CDH22: variants seen among roughly 807,000 people sequenced by gnomAD.
The protein encoded by CDH22 is cadherin-22.
Under a neutral mutation model 58.4 loss-of-function variants are expected in CDH22, and 30 were observed. That is an observed-to-expected ratio of 0.51 (90% CI 0.38 to 0.70). The LOEUF is 0.70. Ranked by LOEUF, CDH22 falls within the 30% of genes least tolerant of loss-of-function variation. CDH22 has a pLI of 0.00. For missense variants in CDH22, 1,014 were observed against 1,233.9 expected (o/e 0.82, Z 2.67); for synonymous variants, 513 against 558.2 (o/e 0.92, Z 1.14).
chr20:46,174,260 C>T lies in CDH22; in HGVS notation c.*246G>A, dbSNP rs1600680657. The T allele has an allele frequency of 1.2e-5, 6 of 487,074 alleles. No individual in the cohort carries two copies. The East Asian group carries it at 2.2e-4, about 18-fold the overall frequency. 30.2% of individuals were successfully genotyped at this position (487,074 alleles called of 1,614,324 possible). On this transcript the variant is annotated 3_prime_UTR_variant, in exon 12 of 12. Coordinates refer to ENST00000537909, the MANE Select transcript of CDH22 (RefSeq NM_021248.3). The surrounding 1 kb of genome is among the most constrained non-coding windows in gnomAD (Gnocchi z 4.4). ...CTCCCATTCTAACCCCAGAGCCACA[C>T]CGTGCCCGGTCTCGCCTCAGTTTTA...
chr20:46,224,015 G>A (rs1221214562), intron 4 of CDH22, among the ~76,000 whole-genome samples: 7 of 151,954 alleles, frequency 4.6e-5, no homozygotes, highest in South Asian at 2.1e-4. Context: ...CACCACTCCC[G>A]GCTAATTTTT....
intron 1 of CDH22, among the ~76,000 whole-genome samples, chr20:46,282,378 G>A (rs2086554906): frequency 6.6e-6 from 1 of 152,114 alleles, no homozygotes; most frequent in African/African-American, 2.4e-5. Flanking sequence ...TGAGAGAGCA[G>A]GAAGGAGTCT....
chr20:46,183,703 G>C (rs2085804205), intron 10 of CDH22, among the ~76,000 whole-genome samples: 1 of 152,174 alleles, frequency 6.6e-6, no homozygotes, highest in South Asian at 2.1e-4. Context: ...TTATAAACAT[G>C]AGCCTTACAT....
At chr20:46,274,157 C>A (rs923852097) in intron 1 of CDH22, among the ~76,000 whole-genome samples, 1 of 152,136 alleles carries the variant, frequency 6.6e-6, no homozygotes, top group African/African-American at 2.4e-5. Flanking sequence ...AACAGTCATG[C>A]CTGATGCTGA....
At chr20:46,192,653 G>T (rs2085869495) in intron 8 of CDH22, among the ~76,000 whole-genome samples, 1 of 152,024 alleles carries the variant, frequency 6.6e-6, no homozygotes, top group Non-Finnish European at 1.5e-5. Flanking sequence ...CAGTGGCAGG[G>T]ATAGAGCAGA....
Position 46,251,130 on chromosome 20 carries a change from C to A in CDH22, c.165G>T (p.Leu55=), listed in dbSNP as rs769459700. 6.2e-7 allele frequency: 1 copy of A among 1,606,370 alleles called. No individual in the cohort carries two copies. The part of the protein sequence containing the change: ...SAPGARQDGA[L]GAGRVKRGWV... ...AGCCGCGTTTGACGCGGCCGGCTCC[C>A]AGCGCGCCGTCCTGCCGAGCTCCGG... Residue 55 remains leucine, a synonymous_variant, in exon 2 of 12, where the codon CTG becomes CTT. Coordinates refer to ENST00000537909, the MANE Select transcript of CDH22 (RefSeq NM_021248.3). This position sits in a 1 kb window ranked among gnomAD's most constrained non-coding sequence, Gnocchi z 6.7.
Position 46,174,375 on chromosome 20 carries a change from C to T in CDH22, c.*131G>A, listed in dbSNP as rs2085718454. On this transcript the variant is annotated 3_prime_UTR_variant, in exon 12 of 12. Transcript: ENST00000537909. The surrounding 1 kb of genome is among the most constrained non-coding windows in gnomAD (Gnocchi z 4.4). ...GAAGAGTCCGCTCCTAGCAAGTCCC[C>T]CCTCCGTCCAGCCGCCAAGGGAGGG... 3.2e-6 allele frequency: 2 copies of T among 626,692 alleles called. No homozygotes were observed. The highest frequency in any genetic ancestry group is 2.2e-5 in the South Asian group (1 of 45,356). 38.8% of individuals were successfully genotyped at this position (626,692 alleles called of 1,614,324 possible).
chr20:46,180,278 C>T (rs1342009237), intron 10 of CDH22, among the ~76,000 whole-genome samples: 1 of 152,232 alleles, frequency 6.6e-6, no homozygotes, highest in East Asian at 1.9e-4. Flanking sequence ...GGTGGTCACA[C>T]TGGATGGCAG....
At chr20:46,296,418 T>C (rs948935652) in intron 1 of CDH22, among the ~76,000 whole-genome samples, 9 of 152,222 alleles carry the variant, frequency 5.9e-5, no homozygotes, top group African/African-American at 2.2e-4. Context: ...CCAGCTAAAA[T>C]GTATCCAACA....
At position 46,174,928 on chromosome 20, in the gene CDH22, G is replaced by A; in HGVS notation, c.2065C>T (p.Arg689Trp). The A allele has an allele frequency of 6.9e-7, 1 of 1,443,236 alleles. No individual in the cohort carries two copies. Among genetic ancestry groups the A allele is most frequent in the East Asian group, 3.5e-5 (1 of 28,380 alleles). The allele number at this position is 1,443,236 out of a possible 1,614,324, so 89.4% of individuals were successfully genotyped here. Residue 689 changes from arginine (R) to tryptophan (W), a missense_variant, in exon 12 of 12, where the codon CGG becomes TGG. Coordinates refer to ENST00000537909, the MANE Select transcript of CDH22 (RefSeq NM_021248.3). This position sits in a 1 kb window ranked among gnomAD's most constrained non-coding sequence, Gnocchi z 4.4. The stretch of plus-strand genomic sequence containing the variant: ...AGCTCGCCGAAGTCGTAGAGGCTCC[G>A]CAGCGCCGACATGTCGTAGGCTTCG... ...DTEAYDMSAL[R>W]SLYDFGELKG...
Position 46,210,640 on chromosome 20 carries a change from CGGGG to C in CDH22, c.1033-84_1033-81del. 7.5e-7 allele frequency: 1 copy of C among 1,328,922 alleles called. No individual in the cohort carries two copies. Among genetic ancestry groups the C allele is most frequent in the Non-Finnish European group, 9.9e-7 (1 of 1,015,004 alleles). 82.3% of individuals were successfully genotyped at this position (1,328,922 alleles called of 1,614,324 possible). A position where few individuals can be genotyped will look rare whatever the true frequency, so the allele number is the denominator to read the frequency against. On this transcript the variant is annotated intron_variant, in intron 6 of 11. Transcript: ENST00000537909. The surrounding 1 kb of genome is among the most constrained non-coding windows in gnomAD (Gnocchi z 4.5). ...CCTTCACGAGGGAGGCCAAGGCAGG[CGGGG>C]TTGGCCCAAGGTCACACGTTGTCTC...
At chr20:46,286,636 CT>C (rs1326967791) in intron 1 of CDH22, among the ~76,000 whole-genome samples, 12 of 152,244 alleles carry the variant, frequency 7.9e-5, no homozygotes, top group Admixed American at 6.5e-4. Flanking sequence ...ATGACTGTAC[CT>C]TTGTGTTAAT....
At chr20:46,188,640 C>T (rs1346431974) in intron 8 of CDH22, among the ~76,000 whole-genome samples, 1 of 152,088 alleles carries the variant, frequency 6.6e-6, no homozygotes, top group South Asian at 2.1e-4. Context: ...CAGACATTCT[C>T]GAAGGGTCCT....
At chr20:46,202,792 C>A (rs1179072654) in intron 7 of CDH22, among the ~76,000 whole-genome samples, 1 of 152,214 alleles carries the variant, frequency 6.6e-6, no homozygotes, top group Non-Finnish European at 1.5e-5. Context: ...GAAGGAGGCT[C>A]TTGAGCATCA....
At chr20:46,225,543 A>G (rs894663887) in intron 4 of CDH22, among the ~76,000 whole-genome samples, 2 of 152,232 alleles carry the variant, frequency 1.3e-5, no homozygotes, top group African/African-American at 4.8e-5. Context: ...ATAGCTCTGG[A>G]AGATGCATGA....
chr20:46,199,649 A>G, intron 7 of CDH22, 90 bp from the exon 8 acceptor site: 1 of 1,469,494 alleles, frequency 6.8e-7, no homozygotes, highest in South Asian at 1.3e-5. Context: ...CAAGAGAGGG[A>G]CCGCCTGCCT....
chr20:46,181,752 CTTCTTTCTTTCTTTCT>C (rs1191055789), intron 10 of CDH22, among the ~76,000 whole-genome samples: 3 of 26,272 alleles, frequency 1.1e-4, no homozygotes, highest in African/African-American at 2.6e-4. Flanking sequence ...TCCTTCCTTC[CTTCTTTCTTTCTTTCT>C]TTCTTTCTTT....
At chr20:46,178,586 C>CTTTTTTTTTTTTTTTTTTTTTTTTTTT (rs33937889) in intron 10 of CDH22, among the ~76,000 whole-genome samples, 2 of 95,338 alleles carry the variant, frequency 2.1e-5, no homozygotes, top group Non-Finnish European at 4.0e-5. Context: ...CTGGCGTTGT[C>CTTTTTTTTTTTTTTTTTTTTTTTTTTT]TTTTTTTTTT....
intron 4 of CDH22, among the ~76,000 whole-genome samples, chr20:46,226,044 C>A (rs2086168583): frequency 6.6e-6 from 1 of 152,092 alleles, no homozygotes; most frequent in Non-Finnish European, 1.5e-5. Context: ...GCTCCTTAGC[C>A]TGGCTCACAC....
Sources: gnomAD v4.1 joint callset for allele counts (sites outside exome capture counted in the v4.1 genomes callset) on GRCh38, gnomAD v4.1.1 for gene constraint, Gnocchi (gnomAD v3.1) non-coding constraint, MANE v1.5 for transcripts, NCBI Gene and HGNC (gene_info 2026-07-23, HGNC 2026-07-21) for gene names.